Variants in CPNE2 observed in about 807,000 individuals in gnomAD.
CPNE2 encodes the protein copine 2.
Under a neutral mutation model 69.7 loss-of-function variants are expected in CPNE2, and 42 were observed. That is an observed-to-expected ratio of 0.60 (90% CI 0.47 to 0.78). The LOEUF (loss-of-function observed/expected upper bound fraction) is 0.78. Ranked by LOEUF, CPNE2 falls within the 30% of genes least tolerant of loss-of-function variation. The pLI is 0.00. For missense variants in CPNE2, 587 were observed against 732.0 expected (o/e 0.80, Z 2.29); for synonymous variants, 294 against 289.8 (o/e 1.01, Z -0.15).
intron 1 of CPNE2, chr16:57,110,454 G>C (rs1279399407): frequency 5.4e-6 from 1 of 185,574 alleles, no homozygotes; most frequent in East Asian, 1.3e-4. Flanking sequence ...TGAACTCCGG[G>C]CTTCCAGGCA....
chr16:57,098,834 C>T (rs977585929), intron 1 of CPNE2, among the ~76,000 whole-genome samples: 2 of 152,296 alleles, frequency 1.3e-5, no homozygotes, highest in African/African-American at 2.4e-5. Flanking sequence ...GTGAGGGCGA[C>T]GCTTCTAAGC....
At chr16:57,121,616 G>A (rs2145259310) in intron 8 of CPNE2, 58 bp from the exon 9 acceptor site, 2 of 1,521,794 alleles carry the variant, frequency 1.3e-6, no homozygotes, top group Admixed American at 3.4e-5. Flanking sequence ...GGCCAAGGAG[G>A]AGGATCTGTT....
At chr16:57,105,192 G>T (rs2069640399) in intron 1 of CPNE2, among the ~76,000 whole-genome samples, 1 of 152,220 alleles carries the variant, frequency 6.6e-6, no homozygotes, top group Non-Finnish European at 1.5e-5. Context: ...TGACATAGTG[G>T]AAGTGGGGAG....
rs749045665 is a variant in CPNE2, at chr16:57,121,216, C to T, written c.780+25C>T. The T allele has an allele frequency of 8.5e-5, 136 of 1,598,726 alleles. 1 individual carries two copies. The highest frequency in any genetic ancestry group is 1.1e-4 in the Non-Finnish European group (134 of 1,168,276). On this transcript the variant is annotated intron_variant, in intron 8 of 15. Transcript: ENST00000290776. ...GGTGAGATGGGCACGTGTACTGTAA[C>T]CCCAAGACCTCAGCAGGGCTGGGGG...
intron 1 of CPNE2, among the ~76,000 whole-genome samples, chr16:57,105,897 GC>G (rs764874578): frequency 1.3e-5 from 2 of 152,144 alleles, no homozygotes; most frequent in Non-Finnish European, 2.9e-5. Flanking sequence ...GGTGGGGGCT[GC>G]CCCAGAGGTG....
chr16:57,106,646 T>TGGCC (rs2145240850), intron 1 of CPNE2, among the ~76,000 whole-genome samples: 1 of 145,866 alleles, frequency 6.9e-6, no homozygotes, highest in African/African-American at 2.4e-5. Context: ...CAGGAGATGG[T>TGGCC]GGCCCAGGTG....
At chr16:57,095,575 C>T (rs1235061750) in intron 1 of CPNE2, among the ~76,000 whole-genome samples, 1 of 152,280 alleles carries the variant, frequency 6.6e-6, no homozygotes, top group African/African-American at 2.4e-5. Flanking sequence ...CAGGTTCAGG[C>T]GATTCTTGTG....
chr16:57,092,638 C>G lies in CPNE2; in HGVS notation c.-188C>G, dbSNP rs1208348166. On this transcript the variant is annotated 5_prime_UTR_variant, in exon 1 of 16. Transcript: ENST00000290776. This position sits in a 1 kb window ranked among gnomAD's most constrained non-coding sequence, Gnocchi z 5.3. Reference sequence around the variant, plus strand: ...GACCCCGAGCGGCTGGGAGCGCACGCGAGCGGGCCGTGGCCGCGCGGGCAG... The same window carrying G: ...GACCCCGAGCGGCTGGGAGCGCACGGGAGCGGGCCGTGGCCGCGCGGGCAG... The G allele has an allele frequency of 6.7e-6, 1 of 148,718 alleles. No homozygotes were observed. The allele number at this position is 148,718 out of a possible 1,614,324, so 9.2% of individuals were successfully genotyped here.
At chr16:57,104,817 G>A (rs2069638029) in intron 1 of CPNE2, among the ~76,000 whole-genome samples, 1 of 152,206 alleles carries the variant, frequency 6.6e-6, no homozygotes, top group South Asian at 2.1e-4. Flanking sequence ...GACCTTTCCT[G>A]TGAAGAAAGG....
chr16:57,146,245 G>A lies in CPNE2; in HGVS notation c.1463G>A (p.Arg488His), dbSNP rs760327598. ...AAMEFLDGDS[R>H]MLRSHTGEEA... is the part of the protein sequence containing the mutation. ...ATGGAGTTCCTGGATGGGGACAGCC[G>A]CATGCTGCGCTCCCACACGGGGGAG... The change falls in exon 15 of 16, where the codon CGC becomes CAC. Residue 488 changes from arginine to histidine, a missense_variant. Physicochemically the swap from Arg to His is conservative, Grantham distance 29 (BLOSUM62 0). Around this residue, in one of 5 missense-constraint regions of CPNE2, gnomAD observed 185 missense variants for 252.3 expected, o/e 0.73. Coordinates refer to ENST00000290776, the MANE Select transcript of CPNE2 (RefSeq NM_152727.6). This position sits in a 1 kb window ranked among gnomAD's most constrained non-coding sequence, Gnocchi z 4.4. The A allele has an allele frequency of 1.3e-5, 20 of 1,559,252 alleles. No individual in the cohort carries two copies. The South Asian group carries it at 1.4e-4, about 11-fold the overall frequency.
chr16:57,147,232 G>T (rs1358260464), intron 15 of CPNE2: 1 of 260,190 alleles, frequency 3.8e-6, no homozygotes, highest in African/African-American at 2.2e-5. Flanking sequence ...CGCCAAGAAG[G>T]TGCTCAGGAG....
intron 12 of CPNE2, 36 bp from the exon 13 acceptor site, chr16:57,134,739 G>C (rs2305694): frequency 5.0e-6 from 8 of 1,613,174 alleles, no homozygotes; most frequent in Non-Finnish European, 6.8e-6. Flanking sequence ...GTTTGGGGGC[G>C]GGAGGCTGCA....
chr16:57,097,232 A>C (rs1385790949), intron 1 of CPNE2, among the ~76,000 whole-genome samples: 1 of 151,968 alleles, frequency 6.6e-6, no homozygotes, highest in Non-Finnish European at 1.5e-5. Flanking sequence ...ACTCTCTGAG[A>C]TTTCCTGCCC....
rs542159470 is a variant in CPNE2 at position 57,122,595 on chromosome 16, T to G, written c.868-819T>G. 2.0e-5 allele frequency among the ~76,000 whole-genome samples: 3 copies of G among 152,306 alleles called. No individual in the cohort carries two copies. In the South Asian group the frequency reaches 6.2e-4, roughly 32 times the overall value. ...AGTCTTTCTTCCCTGTATTATTGTT[T>G]TTTGTTTTTGTTTTTGAGACAGAGT... On this transcript the variant is annotated intron_variant, in intron 9 of 15. Transcript: ENST00000290776.
At chr16:57,145,850 G>GT in intron 14 of CPNE2, 1 of 561,402 alleles carries the variant, frequency 1.8e-6, no homozygotes, top group East Asian at 3.1e-5. Context: ...CAGGGCAGGA[G>GT]GGGAGAGCAG....
At chr16:57,119,836 C>T (rs1175638700) in intron 7 of CPNE2, among the ~76,000 whole-genome samples, 186 bp downstream of exon 7, 5 of 152,200 alleles carry the variant, frequency 3.3e-5, no homozygotes, top group Non-Finnish European at 7.3e-5. Context: ...CTGAAGTACC[C>T]GGGCAGGGCC....
intron 10 of CPNE2, chr16:57,124,418 C>A (rs1279253573): frequency 2.2e-6 from 1 of 456,146 alleles, no homozygotes; most frequent in South Asian, 1.6e-5. Context: ...CTTGCCGCCC[C>A]GAGATTCATA....
intron 10 of CPNE2, 68 bp from the exon 11 acceptor site, chr16:57,125,792 T>G: frequency 6.3e-7 from 1 of 1,592,896 alleles, no homozygotes. Flanking sequence ...CCTCTCCTAT[T>G]CCCTGGGAGT....
intron 1 of CPNE2, among the ~76,000 whole-genome samples, chr16:57,100,607 A>C (rs1477593205): frequency 6.6e-6 from 1 of 152,252 alleles, no homozygotes; most frequent in East Asian, 1.9e-4. Context: ...CCAGAGGACC[A>C]GAACCATGTG....
Sources: gnomAD v4.1 joint callset for allele counts (sites outside exome capture counted in the v4.1 genomes callset) on GRCh38, gnomAD v4.1.1 for gene constraint, gnomAD v4.1.1 regional missense constraint, Gnocchi (gnomAD v3.1) non-coding constraint, MANE v1.5 for transcripts, NCBI Gene and HGNC (gene_info 2026-07-23, HGNC 2026-07-21) for gene names.